PRH1: variants seen among roughly 807,000 people sequenced by gnomAD.
The protein encoded by PRH1 is salivary acidic proline-rich phosphoprotein 1/2.
PRH1 carries 7 observed loss-of-function variants against 7.9 expected under a neutral mutation model. That is an observed-to-expected ratio of 0.89 (90% confidence interval 0.50 to 1.67). PRH1 has a LOEUF of 1.67. Ranked by LOEUF, PRH1 falls within the 40% of genes most tolerant of loss-of-function variation. The pLI, the probability that PRH1 is intolerant of heterozygous loss-of-function variation, is 0.00. For synonymous variants in PRH1, 45 were observed against 80.8 expected (o/e 0.56, Z 2.38); for missense variants, 109 against 223.6 (o/e 0.49, Z 3.27).
chr12:11,032,930 C>A (rs1275206431), intron 1 of PRH1, among the ~76,000 whole-genome samples: 1 of 152,046 alleles, frequency 6.6e-6, no homozygotes. Flanking sequence ...TTCCATTTAC[C>A]ATAAGAGTAT....
chr12:10,923,250 T>C (rs939685172), intron 2 of PRH1, among the ~76,000 whole-genome samples: 1 of 151,762 alleles, frequency 6.6e-6, no homozygotes, highest in East Asian at 1.9e-4. Flanking sequence ...CTCAGTCTCC[T>C]GAGTAGCTGG....
intron 1 of PRH1, chr12:11,062,280 C>T (rs750488992): frequency 1.2e-6 from 2 of 1,611,356 alleles, no homozygotes; most frequent in Admixed American, 3.4e-5. Flanking sequence ...AAATGATGGG[C>T]AGAAAAGTTA....
At chr12:11,099,175 A>C (rs7296803) in intron 1 of PRH1, among the ~76,000 whole-genome samples, 32,177 of 152,128 alleles carry the variant, frequency 0.21, 4,006 homozygotes, top group Non-Finnish European at 0.27. Context: ...TCAATCATTT[A>C]ACTTACTTTG....
intron 1 of PRH1, among the ~76,000 whole-genome samples, chr12:11,053,525 CT>C (rs1476768940): frequency 6.6e-6 from 1 of 152,232 alleles, no homozygotes; most frequent in Non-Finnish European, 1.5e-5. Flanking sequence ...CTACACTTAA[CT>C]TTCTAAATCT....
intron 1 of PRH1, among the ~76,000 whole-genome samples, chr12:11,066,444 T>C (rs1565614778): frequency 6.6e-6 from 1 of 152,034 alleles, no homozygotes; most frequent in Non-Finnish European, 1.5e-5. Flanking sequence ...AGCTCATCTA[T>C]AAATAATTAT....
At chr12:10,979,008 G>A (rs1939231690) in intron 1 of PRH1, among the ~76,000 whole-genome samples, 1 of 152,160 alleles carries the variant, frequency 6.6e-6, no homozygotes, top group African/African-American at 2.4e-5. Flanking sequence ...AAACAGCAAA[G>A]CAAGTACCAC....
At chr12:11,049,124 C>A, upstream of PRH1, 2 of 507,728 alleles carry the variant, frequency 3.9e-6, no homozygotes, top group Non-Finnish European at 6.5e-6. Flanking sequence ...GAAATTTGGT[C>A]AGCTGATGAG....
chr12:10,888,157 C>A (rs889113149), upstream of PRH1, among the ~76,000 whole-genome samples: 1 of 152,166 alleles, frequency 6.6e-6, no homozygotes, highest in Non-Finnish European at 1.5e-5. Flanking sequence ...GTCGCCCTTG[C>A]ACTGACTCTT....
chr12:10,928,280 G>GT (rs1950151504), intron 2 of PRH1, among the ~76,000 whole-genome samples: 1 of 152,114 alleles, frequency 6.6e-6, no homozygotes, highest in Non-Finnish European at 1.5e-5. Flanking sequence ...ACCAATCAAG[G>GT]CATTTGAGGC....
At position 11,002,573 on chromosome 12, in the gene PRH1, A is replaced by G. The variant is rs529741485; in HGVS notation, c.-125-28852T>C. Among the ~76,000 whole-genome samples, 6 of 152,216 alleles carry G rather than the reference A, an allele frequency of 3.9e-5. No individual in the cohort carries two copies. In the South Asian group the frequency reaches 1.2e-3, roughly 32 times the overall value. On this transcript the variant is annotated intron_variant, in intron 1 of 3. Coordinates refer to the PRH1 transcript ENST00000539853. The stretch of plus-strand genomic sequence containing the variant: ...ATATACAAATCCTCTATACAATTAT[A>G]TAGCATACAAACTGTATTTTATCTT...
At chr12:11,066,831 T>A (rs1943841413) in intron 1 of PRH1, among the ~76,000 whole-genome samples, 1 of 151,824 alleles carries the variant, frequency 6.6e-6, no homozygotes, top group Admixed American at 6.6e-5. Flanking sequence ...ATGTGGTAGT[T>A]CATCAAGAAT....
At chr12:11,062,969 C>A (rs542291302) in intron 1 of PRH1, among the ~76,000 whole-genome samples, 2 of 151,876 alleles carry the variant, frequency 1.3e-5, no homozygotes, top group Non-Finnish European at 2.9e-5. Flanking sequence ...ACACCACTCA[C>A]GAATGGAACA....
Position 11,096,954 on chromosome 12 carries a change from C to G in PRH1, n.124-49766G>C, listed in dbSNP as rs184240586. On this transcript the variant is annotated intron_variant and non_coding_transcript_variant, in intron 1 of 4. Coordinates refer to the PRH1 transcript ENST00000541977. ...CTGGGACTACAGGCACCCACCACCA[C>G]GCTCGGCTAATTTTTTCGTATTTTT... Among the ~76,000 whole-genome samples the G allele has an allele frequency of 8.3e-3, 935 of 113,240 alleles. 229 individuals carry two copies. The highest frequency in any genetic ancestry group is 0.027 in the African/African-American group (891 of 33,596). 74.3% of individuals were successfully genotyped at this position (113,240 alleles called of 152,430 possible).
At chr12:11,131,231 C>G (rs1219148594) in intron 1 of PRH1, among the ~76,000 whole-genome samples, 2 of 152,194 alleles carry the variant, frequency 1.3e-5, no homozygotes, top group Non-Finnish European at 2.9e-5. Context: ...CTGTGGTTTC[C>G]CTTTGTAGCC....
At chr12:10,890,411 G>C (rs776566787) in intron 2 of PRH1, among the ~76,000 whole-genome samples, 24 of 152,140 alleles carry the variant, frequency 1.6e-4, no homozygotes, top group Non-Finnish European at 3.5e-4. Context: ...GTTTGTGTGT[G>C]TGTGTGTGCA....
intron 1 of PRH1, among the ~76,000 whole-genome samples, chr12:11,122,751 T>C (rs1287372749): frequency 1.3e-5 from 2 of 152,226 alleles, no homozygotes; most frequent in Non-Finnish European, 2.9e-5. Context: ...AGCAGGGTAA[T>C]AATAATTTTC....
intron 1 of PRH1, among the ~76,000 whole-genome samples, chr12:11,127,117 T>C (rs929787487): frequency 3.3e-5 from 5 of 152,284 alleles, no homozygotes; most frequent in South Asian, 2.1e-4. Flanking sequence ...GGGAATGCTA[T>C]TGAATGAGTT....
chr12:11,028,734 T>A lies in PRH1; in HGVS notation c.-126+18286A>T, dbSNP rs549955166. Among the ~76,000 whole-genome samples the A allele has an allele frequency of 4.0e-4, 60 of 151,174 alleles. 2 individuals are homozygous for A. The South Asian group carries it at 0.013, about 32-fold the overall frequency. ...TTTCAAACTATTATAATAGGTGCCA[T>A]CTAATTTTGGTGTTCTACCTTGTCT... On this transcript the variant is annotated intron_variant, in intron 1 of 3. Transcript: ENST00000539853.
At chr12:11,065,284 T>C (rs1476824830) in intron 1 of PRH1, among the ~76,000 whole-genome samples, 2 of 152,134 alleles carry the variant, frequency 1.3e-5, no homozygotes, top group Non-Finnish European at 2.9e-5. Flanking sequence ...TGTCCTGTCA[T>C]TTTATATTAA....
Sources: allele counts gnomAD v4.1 joint callset (sites outside exome capture counted in the v4.1 genomes callset), GRCh38; gene constraint gnomAD v4.1.1; transcripts MANE v1.5; gene names NCBI Gene and HGNC (gene_info 2026-07-23, HGNC 2026-07-21).